Variants in PADI4 observed in about 807,000 individuals in gnomAD.
PADI4 encodes the protein peptidyl arginine deiminase 4, also known as protein-arginine deiminase type-4.
PADI4 carries 62 observed loss-of-function variants against 75.0 expected under a neutral mutation model. The ratio of observed to expected loss-of-function variants is 0.83; its 90% CI spans 0.67 to 1.02. PADI4 has a LOEUF of 1.02. PADI4 is among the 50% of genes least tolerant of loss of function. PADI4 has a pLI of 0.00. For missense variants in PADI4, 845 were observed against 850.5 expected, an observed-to-expected ratio of 0.99 and a Z score of 0.08; for synonymous variants, 361 against 348.1, an observed-to-expected ratio of 1.04 and a Z score of -0.41.
rs144317720 is a variant in PADI4 at position 17,315,865 on chromosome 1, C to G, written c.92+7551C>G. Among the ~76,000 whole-genome samples, 17 of 152,082 alleles carry G rather than the reference C, an allele frequency of 1.1e-4. No individual in the cohort carries two copies. In the East Asian group the frequency reaches 3.3e-3, roughly 29 times the overall value. ...ACTGGGTTCCCATTCAGGGGCTGCT[C>G]TCTCAACCCCCAGTCCCCACCCACG... On this transcript the variant is annotated intron_variant, in intron 1 of 15. Transcript: ENST00000375448.
intron 15 of PADI4, 37 bp from the exon 16 acceptor site, chr1:17,363,485 G>T: frequency 6.9e-7 from 1 of 1,458,972 alleles, no homozygotes; most frequent in Non-Finnish European, 9.6e-7. Flanking sequence ...CAGGCTGCCC[G>T]CTGCTGCCTG....
intron 1 of PADI4, among the ~76,000 whole-genome samples, chr1:17,318,759 C>T (rs886771377): frequency 1.1e-4 from 17 of 150,090 alleles, no homozygotes; most frequent in South Asian, 2.1e-4. Context: ...GATCTTGGCT[C>T]ACTGCAAACT....
rs902240722 is a variant in PADI4, at chr1:17,308,330, T to G, written c.92+16T>G. On this transcript the variant is annotated intron_variant, in intron 1 of 15. Coordinates refer to ENST00000375448, the MANE Select transcript of PADI4 (RefSeq NM_012387.3). ...ACATCTGCAGGTAAGAGGGGGGCCT[T>G]CTGGGGTTTTGGAGGCAGGTCAGGA... is the stretch of plus-strand genomic sequence containing the variant. 44 of 1,605,800 alleles carry G rather than the reference T, an allele frequency of 2.7e-5. No individual in the cohort carries two copies. The highest frequency in any genetic ancestry group is 3.7e-5 in the Non-Finnish European group (43 of 1,172,896).
rs139749902 is a variant in PADI4 at position 17,344,370 on chromosome 1, C to G, written c.936-1658C>G. On this transcript the variant is annotated intron_variant, in intron 8 of 15. Coordinates refer to ENST00000375448, the MANE Select transcript of PADI4 (RefSeq NM_012387.3). ...TCAGAAAAGTTGCAGCCTGACAATG[C>G]AATCGAAAAGAAAATCTCATTTTCT... 5.3e-3 allele frequency among the ~76,000 whole-genome samples: 801 copies of G among 152,282 alleles called. 3 individuals are homozygous for G. Among genetic ancestry groups the G allele is most frequent in the Middle Eastern group, 6.8e-3 (2 of 294 alleles).
intron 8 of PADI4, 124 bp downstream of exon 8, chr1:17,342,526 G>T (rs1009082168): frequency 2.0e-5 from 13 of 642,320 alleles, no homozygotes; most frequent in African/African-American, 2.0e-4. Flanking sequence ...CTTGCTGCTT[G>T]TTGGGGGCTC....
chr1:17,350,107 T>C (rs1389415422), intron 10 of PADI4, among the ~76,000 whole-genome samples: 1 of 127,738 alleles, frequency 7.8e-6, no homozygotes, highest in South Asian at 3.0e-4. Context: ...CCTGTTGACT[T>C]CTTCAGTGTA....
intron 5 of PADI4, 125 bp from the exon 6 acceptor site, chr1:17,339,563 A>C: frequency 1.1e-6 from 1 of 896,476 alleles, no homozygotes; most frequent in East Asian, 2.5e-5. Context: ...AAACCAGGCA[A>C]CATGGTAAAG....
At chr1:17,353,316 A>T (rs1010534651) in intron 10 of PADI4, among the ~76,000 whole-genome samples, 1 of 152,140 alleles carries the variant, frequency 6.6e-6, no homozygotes, top group African/African-American at 2.4e-5. Context: ...AACTTTAAAA[A>T]TTAGCCAGGT....
rs2074797504 is a variant in PADI4 at position 17,358,486 on chromosome 1, G to C, written c.1559-352G>C. Among the ~76,000 whole-genome samples the C allele has an allele frequency of 4.1e-5, 2 of 49,104 alleles. 1 individual carries two copies. Among genetic ancestry groups the C allele is most frequent in the South Asian group, 1.1e-3 (2 of 1,776 alleles). The allele number at this position is 49,104 out of a possible 152,430, so 32.2% of individuals were successfully genotyped here. A position where few individuals can be genotyped will look rare whatever the true frequency, so the allele number is the denominator to read the frequency against. On this transcript the variant is annotated intron_variant, in intron 13 of 15. Coordinates refer to ENST00000375448, the MANE Select transcript of PADI4 (RefSeq NM_012387.3). ...GGAGGCTGAGGCAGGAGAATGGCGT[G>C]AACTCCAGGGGGCGGAGCCTGCAGT... is the stretch of plus-strand genomic sequence containing the variant.
chr1:17,347,963 T>A lies in PADI4; in HGVS notation c.1070T>A (p.Ile357Asn), dbSNP rs755724703. ...CAGGATGAAATGGAGATCGGCTACA[T>A]CCAAGCCCCACACAAAACGCTGCCC... The part of the protein sequence containing the change: ...WMQDEMEIGY[I>N]QAPHKTLPVV... Residue 357 changes from isoleucine (I) to asparagine (N), a missense_variant, in exon 10 of 16, where the codon ATC (isoleucine) becomes AAC (asparagine). Physicochemically the swap from Ile to Asn is moderately radical, Grantham distance 149. Transcript: ENST00000375448. 2 of 1,598,796 alleles carry A rather than the reference T, an allele frequency of 1.3e-6. No homozygotes were observed. The highest frequency in any genetic ancestry group is 1.3e-5 in the African/African-American group (1 of 74,566).
intron 9 of PADI4, among the ~76,000 whole-genome samples, chr1:17,347,173 G>T (rs1320130778): frequency 6.6e-6 from 1 of 152,070 alleles, no homozygotes; most frequent in African/African-American, 2.4e-5. Context: ...CTGACCTCAG[G>T]TGATCCACCC....
At chr1:17,336,057 G>T in intron 3 of PADI4, 102 bp from the exon 4 acceptor site, 2 of 758,008 alleles carry the variant, frequency 2.6e-6, no homozygotes, top group Non-Finnish European at 4.7e-6. Context: ...CACTATGGGT[G>T]CACACAGTCC....
chr1:17,321,920 G>A (rs956900279), intron 1 of PADI4, among the ~76,000 whole-genome samples: 3 of 152,204 alleles, frequency 2.0e-5, no homozygotes, highest in Non-Finnish European at 2.9e-5. Flanking sequence ...TTTAATGTGT[G>A]GGTGGATAAG....
At chr1:17,351,066 C>T (rs891000772) in intron 10 of PADI4, among the ~76,000 whole-genome samples, 3 of 105,440 alleles carry the variant, frequency 2.8e-5, no homozygotes, top group African/African-American at 8.2e-5. Context: ...GGCATGGTAA[C>T]ACATGCCTGT....
intron 6 of PADI4, among the ~76,000 whole-genome samples, chr1:17,340,338 C>T (rs909201202): frequency 2.6e-5 from 4 of 152,096 alleles, no homozygotes. Flanking sequence ...GTGTGTCCAA[C>T]GCTGTGACAT....
chr1:17,352,977 T>C (rs774508605), intron 10 of PADI4, among the ~76,000 whole-genome samples: 1 of 152,140 alleles, frequency 6.6e-6, no homozygotes, highest in African/African-American at 2.4e-5. Flanking sequence ...GTGCAGAAAG[T>C]GTGCGGAGAA....
At chr1:17,314,633 C>T (rs2073901070) in intron 1 of PADI4, among the ~76,000 whole-genome samples, 1 of 152,200 alleles carries the variant, frequency 6.6e-6, no homozygotes, top group Non-Finnish European at 1.5e-5. Flanking sequence ...GAGAAGGAAG[C>T]TGAGGCCCAG....
intron 1 of PADI4, 123 bp from the exon 2 acceptor site, chr1:17,330,846 T>A (rs910172174): frequency 3.1e-6 from 2 of 639,212 alleles, no homozygotes; most frequent in Non-Finnish European, 5.2e-6. Context: ...ATACTTCGCA[T>A]CTTTCAGTCC....
chr1:17,318,939 C>T (rs1365118386), intron 1 of PADI4, among the ~76,000 whole-genome samples: 1 of 152,184 alleles, frequency 6.6e-6, no homozygotes, highest in East Asian at 1.9e-4. Flanking sequence ...CCACCCGCCT[C>T]GGCCTCCCAA....
Sources: allele counts gnomAD v4.1 joint callset (sites outside exome capture counted in the v4.1 genomes callset), GRCh38; gene constraint gnomAD v4.1.1; transcripts MANE v1.5; gene names NCBI Gene and HGNC (gene_info 2026-07-23, HGNC 2026-07-21).